Variants in MAP3K13 observed in about 807,000 individuals in gnomAD.
MAP3K13 encodes mitogen-activated protein kinase kinase kinase 13.
MAP3K13 carries 52 observed loss-of-function variants against 104.0 expected under a neutral mutation model. That is an observed-to-expected ratio of 0.50 (90% CI 0.40 to 0.63). The LOEUF is 0.63. Among genes scored for constraint, MAP3K13 ranks in the 20% least tolerant of loss-of-function variants. The pLI is 0.00. For synonymous variants in MAP3K13, 394 were observed against 442.2 expected (o/e 0.89, Z 1.37); for missense variants, 914 against 1,218.5 (o/e 0.75, Z 3.72).
chr3:185,379,032 A>G (rs565732563), intron 1 of MAP3K13, among the ~76,000 whole-genome samples: 5 of 152,256 alleles, frequency 3.3e-5, no homozygotes, highest in Admixed American at 1.3e-4. Flanking sequence ...CCCATGGTGA[A>G]GGAGGCAAGT....
At chr3:185,426,080 C>CCTT (rs71164508) in intron 1 of MAP3K13, among the ~76,000 whole-genome samples, 52 of 151,092 alleles carry the variant, frequency 3.4e-4, no homozygotes, top group Non-Finnish European at 5.5e-4. Flanking sequence ...TCCCTCTTCT[C>CCTT]CTTCTTCTTC....
chr3:185,303,918 G>T (rs2108681444), intron 2 of MAP3K13, among the ~76,000 whole-genome samples: 1 of 151,512 alleles, frequency 6.6e-6, no homozygotes, highest in East Asian at 1.9e-4. Context: ...TTAGGTTGTT[G>T]ATTTCAGATC....
At position 185,313,891 on chromosome 3, in the gene MAP3K13, T is replaced by G. The variant is rs553535891; in HGVS notation, c.-86+28248T>G. Among the ~76,000 whole-genome samples, 102 of 152,352 alleles carry G rather than the reference T, an allele frequency of 6.7e-4. No homozygotes were observed. In the Middle Eastern group the frequency reaches 0.01, roughly 15 times the overall value. The stretch of plus-strand genomic sequence containing the variant: ...CAAGGAGGAATGACCTTACTGAGTT[T>G]GTTAATCCCTATCTGATGGGGAATG... On this transcript the variant is annotated intron_variant, in intron 2 of 14. Transcript: ENST00000424227.
At chr3:185,454,907 GATATATATATGAGATATATATATGAT>G (rs1560117864) in intron 7 of MAP3K13, among the ~76,000 whole-genome samples, 3 of 68,862 alleles carry the variant, frequency 4.4e-5, no homozygotes, top group Non-Finnish European at 8.8e-5. Context: ...ATATATATAT[GATATATATATGAGATATATATATGAT>G]ATATATATGA....
rs1247794439 is a variant in MAP3K13 at position 185,450,688 on chromosome 3, A to G, written c.1170-599A>G. On this transcript the variant is annotated intron_variant, in intron 6 of 13. Transcript: ENST00000265026. This position sits in a 1 kb window ranked among gnomAD's most constrained non-coding sequence, Gnocchi z 4.2. The stretch of plus-strand genomic sequence containing the variant: ...GGTGGCTCACGCCTGTAATCCCAAC[A>G]CTTTGGGAGGCCGAGGTAGGAGGAT... 6.6e-6 allele frequency among the ~76,000 whole-genome samples: 1 copy of G among 152,062 alleles called. No individual in the cohort carries two copies. The highest frequency in any genetic ancestry group is 1.5e-5 in the Non-Finnish European group (1 of 68,002).
chr3:185,411,646 T>C (rs763707070), intron 1 of MAP3K13, among the ~76,000 whole-genome samples: 4 of 152,248 alleles, frequency 2.6e-5, no homozygotes, highest in Non-Finnish European at 5.9e-5. Flanking sequence ...ATACTTCAAA[T>C]AGTAATTTCT....
Position 185,483,460 on chromosome 3 carries a change from A to G in MAP3K13, c.*1004A>G. The G allele has an allele frequency of 4.3e-6, 1 of 230,782 alleles. No homozygotes were observed. 14.3% of individuals were successfully genotyped at this position (230,782 alleles called of 1,614,324 possible). On this transcript the variant is annotated 3_prime_UTR_variant, in exon 14 of 14. Coordinates refer to ENST00000265026, the MANE Select transcript of MAP3K13 (RefSeq NM_004721.5). The stretch of plus-strand genomic sequence containing the variant: ...AGGAGAAAAGGGTGAGAGAGGAAGA[A>G]CATCTACAGTGGTGTTAGGAAAACG...
At position 185,293,373 on chromosome 3, in the gene MAP3K13, C is replaced by T. The variant is rs183777030; in HGVS notation, c.-86+7730C>T. Among the ~76,000 whole-genome samples, 10 of 152,046 alleles carry T rather than the reference C, an allele frequency of 6.6e-5. No homozygotes were observed. In the East Asian group the frequency reaches 1.7e-3, roughly 26 times the overall value. On this transcript the variant is annotated intron_variant, in intron 2 of 14. Coordinates refer to the MAP3K13 transcript ENST00000424227. Reference sequence around the variant, plus strand: ...CCTCAGGTGATCTACCTGCCTCAGCCTCCCTGGGATTACAGGCGTGAGCCA... The same window carrying T: ...CCTCAGGTGATCTACCTGCCTCAGCTTCCCTGGGATTACAGGCGTGAGCCA...
intron 10 of MAP3K13, among the ~76,000 whole-genome samples, chr3:185,469,468 A>G (rs1717647200): frequency 6.6e-6 from 1 of 152,214 alleles, no homozygotes; most frequent in African/African-American, 2.4e-5. Flanking sequence ...TTGTAATAGT[A>G]GGAACAAAGT....
At chr3:185,394,499 A>G (rs1275133236) in intron 1 of MAP3K13, among the ~76,000 whole-genome samples, 1 of 152,232 alleles carries the variant, frequency 6.6e-6, no homozygotes, top group African/African-American at 2.4e-5. Flanking sequence ...GTACATATAT[A>G]GAATGAAAGA....
chr3:185,350,283 T>G (rs1324496679), intron 2 of MAP3K13, among the ~76,000 whole-genome samples: 1 of 152,216 alleles, frequency 6.6e-6, no homozygotes, highest in Non-Finnish European at 1.5e-5. Context: ...CCTCCCGGGT[T>G]CAAGCGGTTC....
intron 2 of MAP3K13, among the ~76,000 whole-genome samples, chr3:185,429,336 T>C (rs1714615807): frequency 6.6e-6 from 1 of 152,208 alleles, no homozygotes; most frequent in Non-Finnish European, 1.5e-5. Flanking sequence ...GAAGAAAATA[T>C]TAGAGATCAT....
rs149146898 is a variant in MAP3K13, at chr3:185,399,677, A to G, written c.-85-28820A>G. 2.5e-3 allele frequency among the ~76,000 whole-genome samples: 169 copies of G among 68,540 alleles called. 7 individuals are homozygous for G. The highest frequency in any genetic ancestry group is 5.1e-3 in the East Asian group (12 of 2,362). 45.0% of individuals were successfully genotyped at this position (68,540 alleles called of 152,430 possible). On this transcript the variant is annotated intron_variant, in intron 1 of 13. Coordinates refer to ENST00000265026, the MANE Select transcript of MAP3K13 (RefSeq NM_004721.5). ...AAAAAAGGAGGGAAGGAAGGAAGGA[A>G]GGAAGGAAGGAAGGAAGGAAGGAAG...
intron 10 of MAP3K13, among the ~76,000 whole-genome samples, chr3:185,472,723 G>A (rs528457446): frequency 2.6e-5 from 4 of 152,236 alleles, no homozygotes; most frequent in East Asian, 3.9e-4. Flanking sequence ...AATCTAGATC[G>A]TGCTTAGAGA....
At chr3:185,403,102 T>C (rs745365230) in intron 1 of MAP3K13, among the ~76,000 whole-genome samples, 1 of 152,206 alleles carries the variant, frequency 6.6e-6, no homozygotes, top group Non-Finnish European at 1.5e-5. Flanking sequence ...CAGCTATACA[T>C]AGAGTGCTTT....
intron 1 of MAP3K13, among the ~76,000 whole-genome samples, chr3:185,421,634 A>G (rs1327180501): frequency 1.3e-5 from 2 of 152,106 alleles, no homozygotes; most frequent in East Asian, 1.9e-4. Context: ...TCTAATTTAT[A>G]CTAGTTTTGA....
intron 2 of MAP3K13, among the ~76,000 whole-genome samples, chr3:185,429,919 G>T (rs1358512506): frequency 1.3e-5 from 2 of 152,298 alleles, no homozygotes; most frequent in East Asian, 3.9e-4. Context: ...AGGAAGTTTT[G>T]TTGGGCGTGG....
At chr3:185,422,326 A>G (rs1484040614) in intron 1 of MAP3K13, among the ~76,000 whole-genome samples, 1 of 152,212 alleles carries the variant, frequency 6.6e-6, no homozygotes, top group Non-Finnish European at 1.5e-5. Context: ...CAGATGTTAT[A>G]TTAAGCAAGT....
chr3:185,457,706 T>G (rs1437605851), intron 7 of MAP3K13, among the ~76,000 whole-genome samples: 2 of 152,186 alleles, frequency 1.3e-5, no homozygotes, highest in Non-Finnish European at 2.9e-5. Context: ...TTCTTCCACA[T>G]TTTTCCCAAC....
Sources: allele counts gnomAD v4.1 joint callset (sites outside exome capture counted in the v4.1 genomes callset), GRCh38; gene constraint gnomAD v4.1.1; non-coding constraint Gnocchi (gnomAD v3.1); transcripts MANE v1.5; gene names NCBI Gene and HGNC (gene_info 2026-07-23, HGNC 2026-07-21).